ATP6V0C: variants seen among roughly 807,000 people sequenced by gnomAD.
ATP6V0C encodes V-type proton ATPase 16 kDa proteolipid subunit c.
Under a neutral mutation model 10.6 loss-of-function variants are expected in ATP6V0C, and 2 were observed. The observed-to-expected ratio is 0.19, with a 90% CI of 0.08 to 0.59. The LOEUF (loss-of-function observed/expected upper bound fraction) is 0.59. ATP6V0C is among the 20% of genes least tolerant of loss of function. The pLI is 0.90. For missense variants in ATP6V0C, 89 were observed against 225.9 expected (o/e 0.39, Z 3.88); for synonymous variants, 128 against 101.3 (o/e 1.26, Z -1.59).
chr16:2,518,443 A>AG (rs1206766480), intron 1 of ATP6V0C, among the ~76,000 whole-genome samples: 2 of 152,170 alleles, frequency 1.3e-5, no homozygotes, highest in African/African-American at 4.8e-5. Context: ...CCCCGTGTGC[A>AG]GGGGAGACCT....
Position 2,514,076 on chromosome 16 carries a change from A to G in ATP6V0C, c.-28A>G. 1.9e-6 allele frequency: 3 copies of G among 1,541,684 alleles called. No homozygotes were observed. The highest frequency in any genetic ancestry group is 2.6e-6 in the Non-Finnish European group (3 of 1,142,328). ...CGCCTCCGCCACCGCCTCGGCCCGC[A>G]GAGCTTGCCCCCTCCCCACCCGCAG... On this transcript the variant is annotated 5_prime_UTR_variant, in exon 1 of 3. Coordinates refer to ENST00000330398, the MANE Select transcript of ATP6V0C (RefSeq NM_001694.4).
intron 1 of ATP6V0C, among the ~76,000 whole-genome samples, chr16:2,514,729 A>T (rs2065868681): frequency 6.6e-6 from 1 of 152,094 alleles, no homozygotes; most frequent in African/African-American, 2.4e-5. Flanking sequence ...GGTGGGTCTC[A>T]CCCACAGGCA....
At chr16:2,519,156 C>T (rs915029938) in intron 1 of ATP6V0C, 62 bp from the exon 2 acceptor site, 74 of 1,499,934 alleles carry the variant, frequency 4.9e-5, no homozygotes, top group African/African-American at 3.9e-4. Flanking sequence ...AGCTACACCT[C>T]GGGGTCCTAG....
chr16:2,518,258 T>C (rs1186675907), intron 1 of ATP6V0C, among the ~76,000 whole-genome samples: 1 of 152,164 alleles, frequency 6.6e-6, no homozygotes, highest in Non-Finnish European at 1.5e-5. Flanking sequence ...CACAGAATTC[T>C]CCACTTTGAG....
Position 2,514,023 on chromosome 16 carries a change from A to C in ATP6V0C, c.-81A>C. 2 of 1,343,368 alleles carry C rather than the reference A, an allele frequency of 1.5e-6. No individual in the cohort carries two copies. The highest frequency in any genetic ancestry group is 2.0e-6 in the Non-Finnish European group (2 of 986,014). 83.2% of individuals were successfully genotyped at this position (1,343,368 alleles called of 1,614,324 possible). On this transcript the variant is annotated 5_prime_UTR_variant, in exon 1 of 3. Coordinates refer to ENST00000330398, the MANE Select transcript of ATP6V0C (RefSeq NM_001694.4). ...CGCCTTCGCCGCCGCCCGCCCGCAA[A>C]CCTTCGTGCCCGGCCCGTCCTCGCC...
In ATP6V0C at chr16:2,519,333, C is replaced by T. The variant is rs768787745; in HGVS notation, c.195C>T (p.Ile65=). 19 of 1,614,058 alleles carry T rather than the reference C, an allele frequency of 1.2e-5. No homozygotes were observed. The highest frequency in any genetic ancestry group is 1.6e-4 in the Middle Eastern group (1 of 6,084). The change falls in exon 2 of 3, where the codon ATC becomes ATT. Residue 65 remains isoleucine (I), a synonymous_variant. Coordinates refer to ENST00000330398, the MANE Select transcript of ATP6V0C (RefSeq NM_001694.4). ...TCCCAGTGGTCATGGCTGGCATCAT[C>T]GCCATCTACGGCCTGGTGGTGGCAG... is the stretch of plus-strand genomic sequence containing the variant. ...SIIPVVMAGI[I]AIYGLVVAVL... is the part of the protein sequence containing the mutation.
chr16:2,520,110 A>T lies in ATP6V0C; in HGVS notation c.*365A>T, dbSNP rs900759499. The stretch of plus-strand genomic sequence containing the variant: ...CCCAGCTATCTATAACCTTAGCTAG[A>T]GTGTCGCCTTGTGGGTTCCTGTTGC... On this transcript the variant is annotated 3_prime_UTR_variant, in exon 3 of 3. Coordinates refer to ENST00000330398, the MANE Select transcript of ATP6V0C (RefSeq NM_001694.4). 1.5e-5 allele frequency: 9 copies of T among 585,644 alleles called. No homozygotes were observed. In the East Asian group the frequency reaches 2.5e-4, roughly 16 times the overall value. 36.3% of individuals were successfully genotyped at this position (585,644 alleles called of 1,614,324 possible). A position where few individuals can be genotyped will look rare whatever the true frequency, so the allele number is the denominator to read the frequency against.
In ATP6V0C at chr16:2,519,629, G is replaced by A; in HGVS notation, c.352G>A (p.Val118Met). Reference sequence around the variant, plus strand: ...CATCGGCATCGTGGGGGACGCTGGCGTGCGGGGCACCGCCCAGCAGCCCCG... The same window carrying A: ...CATCGGCATCGTGGGGGACGCTGGCATGCGGGGCACCGCCCAGCAGCCCCG... ...FAIGIVGDAG[V>M]RGTAQQPRLF... is the part of the protein sequence containing the mutation. The change falls in exon 3 of 3, where the codon GTG becomes ATG. Residue 118 changes from valine (V) to methionine (M), a missense_variant. Val to Met is a conservative substitution (Grantham distance 21). Around this residue, in one of 4 missense-constraint regions of ATP6V0C, gnomAD observed 25 missense variants for 92.1 expected, o/e 0.27. Coordinates refer to ENST00000330398, the MANE Select transcript of ATP6V0C (RefSeq NM_001694.4). 6.2e-7 allele frequency: 1 copy of A among 1,604,284 alleles called. No homozygotes were observed. Among genetic ancestry groups the A allele is most frequent in the Non-Finnish European group, 8.5e-7 (1 of 1,172,728 alleles).
chr16:2,519,580 G>C lies in ATP6V0C; in HGVS notation c.303G>C (p.Leu101=), dbSNP rs201431472. ...LQLGAGLSVG[L]SGLAAGFAIG... is the part of the protein sequence containing the mutation. Reference sequence around the variant, plus strand: ...TGGGCGCCGGCCTGAGCGTGGGCCTGAGCGGCCTGGCAGCCGGCTTTGCCA... The same window carrying C: ...TGGGCGCCGGCCTGAGCGTGGGCCTCAGCGGCCTGGCAGCCGGCTTTGCCA... The change falls in exon 3 of 3, where the codon CTG becomes CTC. Residue 101 remains leucine, a synonymous_variant. Transcript: ENST00000330398. 6 of 1,580,612 alleles carry C rather than the reference G, an allele frequency of 3.8e-6. No individual in the cohort carries two copies. In the South Asian group the frequency reaches 4.5e-5, roughly 12 times the overall value.
At position 2,519,898 on chromosome 16, in the gene ATP6V0C, C is replaced by G. The variant is rs2065901030; in HGVS notation, c.*153C>G. 2 of 1,136,168 alleles carry G rather than the reference C, an allele frequency of 1.8e-6. No homozygotes were observed. The highest frequency in any genetic ancestry group is 1.5e-5 in the African/African-American group (1 of 65,146). The allele number at this position is 1,136,168 out of a possible 1,614,324, so 70.4% of individuals were successfully genotyped here. A position where few individuals can be genotyped will look rare whatever the true frequency, so the allele number is the denominator to read the frequency against. ...TCCTAGTGCCCATCGTCTGTTTCCC[C>G]GGCCTTGCCCCCGCCCGCCCCGTGC... On this transcript the variant is annotated 3_prime_UTR_variant, in exon 3 of 3. Coordinates refer to ENST00000330398, the MANE Select transcript of ATP6V0C (RefSeq NM_001694.4).
chr16:2,519,941 A>G lies in ATP6V0C; in HGVS notation c.*196A>G. The G allele has an allele frequency of 1.7e-6, 1 of 586,120 alleles. No homozygotes were observed. The highest frequency in any genetic ancestry group is 2.7e-6 in the Non-Finnish European group (1 of 366,936). The allele number at this position is 586,120 out of a possible 1,614,324, so 36.3% of individuals were successfully genotyped here. A position where few individuals can be genotyped will look rare whatever the true frequency, so the allele number is the denominator to read the frequency against. ...CCCCGTGCCGTGGACATCTGGGCCCACTCATCGCCCCTCCAGGCCCCCGGC... is the reference window on the plus strand; with the variant it reads ...CCCCGTGCCGTGGACATCTGGGCCCGCTCATCGCCCCTCCAGGCCCCCGGC... On this transcript the variant is annotated 3_prime_UTR_variant, in exon 3 of 3. Coordinates refer to ENST00000330398, the MANE Select transcript of ATP6V0C (RefSeq NM_001694.4).
At chr16:2,517,022 G>C (rs186301159) in intron 1 of ATP6V0C, 1 of 152,618 alleles carries the variant, frequency 6.6e-6, no homozygotes, top group Non-Finnish European at 1.5e-5. Flanking sequence ...CCTGCCTCTG[G>C]TGGACTACTG....
Position 2,519,905 on chromosome 16 carries a change from G to GCC in ATP6V0C, c.*164_*165dup. On this transcript the variant is annotated 3_prime_UTR_variant, in exon 3 of 3. Transcript: ENST00000330398. ...GCCCATCGTCTGTTTCCCCGGCCTT[G>GCC]CCCCCGCCCGCCCCGTGCCGTGGAC... The GCC allele has an allele frequency of 3.9e-6, 4 of 1,016,254 alleles. No homozygotes were observed. Among genetic ancestry groups the GCC allele is most frequent in the African/African-American group, 1.6e-5 (1 of 62,162 alleles). 63.0% of individuals were successfully genotyped at this position (1,016,254 alleles called of 1,614,324 possible). A position where few individuals can be genotyped will look rare whatever the true frequency, so the allele number is the denominator to read the frequency against.
rs2065863041 is a variant in ATP6V0C, at chr16:2,513,970, T to C, written c.-134T>C. The C allele has an allele frequency of 1.3e-6, 1 of 767,264 alleles. No individual in the cohort carries two copies. Among genetic ancestry groups the C allele is most frequent in the Admixed American group, 3.0e-5 (1 of 33,860 alleles). 47.5% of individuals were successfully genotyped at this position (767,264 alleles called of 1,614,324 possible). A position where few individuals can be genotyped will look rare whatever the true frequency, so the allele number is the denominator to read the frequency against. On this transcript the variant is annotated 5_prime_UTR_variant, in exon 1 of 3. Coordinates refer to ENST00000330398, the MANE Select transcript of ATP6V0C (RefSeq NM_001694.4). ...CCATTTTGTTCTGCGGTGCTGGTAT[T>C]TAGAGCGCAGCGGCTGACGGGCCGG...
intron 1 of ATP6V0C, among the ~76,000 whole-genome samples, chr16:2,516,440 A>G (rs2065877566): frequency 6.6e-6 from 1 of 152,028 alleles, no homozygotes; most frequent in African/African-American, 2.4e-5. Context: ...CTGCCTTCTC[A>G]GCATGCTTTC....
In ATP6V0C at chr16:2,520,081, G is replaced by C. The variant is rs944890755; in HGVS notation, c.*336G>C. ...TTCCTGCGTCTGCGGAGCGGCCCTT[G>C]TCTCCCAGCTATCTATAACCTTAGC... On this transcript the variant is annotated 3_prime_UTR_variant, in exon 3 of 3. Coordinates refer to ENST00000330398, the MANE Select transcript of ATP6V0C (RefSeq NM_001694.4). 1.9e-4 allele frequency: 117 copies of C among 619,616 alleles called. No homozygotes were observed. The highest frequency in any genetic ancestry group is 1.8e-3 in the African/African-American group (101 of 55,372). The allele number at this position is 619,616 out of a possible 1,614,324, so 38.4% of individuals were successfully genotyped here.
At chr16:2,517,128 G>A (rs2065880679) in intron 1 of ATP6V0C, 2 of 152,576 alleles carry the variant, frequency 1.3e-5, no homozygotes, top group African/African-American at 4.8e-5. Context: ...CATACATGAT[G>A]CAGTTGGATG....
intron 1 of ATP6V0C, among the ~76,000 whole-genome samples, chr16:2,518,569 A>T (rs569583677): frequency 7.2e-5 from 11 of 152,308 alleles, no homozygotes; most frequent in African/African-American, 2.6e-4. Context: ...AAGATTCTCC[A>T]ATCTGTCAAG....
chr16:2,514,322 G>T lies in ATP6V0C; in HGVS notation c.79+140G>T, dbSNP rs1056689055. The T allele has an allele frequency of 1.4e-4, 127 of 918,010 alleles. 1 individual carries two copies. Among genetic ancestry groups the T allele is most frequent in the Non-Finnish European group, 1.8e-4 (124 of 680,960 alleles). The allele number at this position is 918,010 out of a possible 1,614,324, so 56.9% of individuals were successfully genotyped here. ...GCGCCCGGGCCTCGTGTGACAGCGG[G>T]CGGGGGTCGGCGCCCCGAGGGCTGC... On this transcript the variant is annotated intron_variant, in intron 1 of 2. Transcript: ENST00000330398.
Sources: allele counts gnomAD v4.1 joint callset (sites outside exome capture counted in the v4.1 genomes callset), GRCh38; gene constraint gnomAD v4.1.1; regional missense constraint gnomAD v4.1.1; transcripts MANE v1.5; gene names NCBI Gene and HGNC (gene_info 2026-07-23, HGNC 2026-07-21).